The following CUL1 variants were observed in gnomAD, a reference collection of about 807,000 sequenced individuals.
The protein encoded by CUL1 is cullin-1.
In CUL1, 24 loss-of-function variants were observed where a neutral mutation model predicts 118.0. The ratio of observed to expected loss-of-function variants is 0.20; its 90% confidence interval spans 0.15 to 0.29. The LOEUF (loss-of-function observed/expected upper bound fraction) is 0.29. Among genes scored for constraint, CUL1 ranks in the 10% least tolerant of loss-of-function variants. CUL1 has a pLI of 1.00. For synonymous variants in CUL1, 332 were observed against 340.4 expected, an observed-to-expected ratio of 0.98 and a Z score of 0.27; for missense variants, 361 against 933.8, an observed-to-expected ratio of 0.39 and a Z score of 7.99.
At chr7:148,763,668 G>A (rs188453761) in intron 7 of CUL1, among the ~76,000 whole-genome samples, 2 of 152,300 alleles carry the variant, frequency 1.3e-5, no homozygotes, top group Non-Finnish European at 2.9e-5. Context: ...GTGGCAAAGA[G>A]CAAAGCTAAT....
chr7:148,786,507 A>G (rs780025274), intron 11 of CUL1, 44 bp from the exon 12 acceptor site: 2 of 1,481,614 alleles, frequency 1.3e-6, no homozygotes, highest in Non-Finnish European at 9.4e-7. Context: ...GCTTGTTTAA[A>G]CGTACTGATG....
At chr7:148,714,294 C>A (rs1798141281) in intron 1 of CUL1, among the ~76,000 whole-genome samples, 1 of 152,180 alleles carries the variant, frequency 6.6e-6, no homozygotes, top group Non-Finnish European at 1.5e-5. Flanking sequence ...ACATACTTAA[C>A]ATTTTTTTGT....
intron 1 of CUL1, among the ~76,000 whole-genome samples, chr7:148,723,398 A>C (rs1798457211): frequency 6.6e-6 from 1 of 152,116 alleles, no homozygotes; most frequent in South Asian, 2.1e-4. Flanking sequence ...GATGATTCAC[A>C]AGGACCTCAG....
rs571733434 is a variant in CUL1, at chr7:148,765,283, T to C, written c.790-1278T>C. Among the ~76,000 whole-genome samples the C allele has an allele frequency of 9.1e-4, 139 of 152,356 alleles. 2 individuals carry two copies. Among genetic ancestry groups the C allele is most frequent in the Admixed American group, 3.3e-3 (51 of 15,306 alleles). On this transcript the variant is annotated intron_variant, in intron 7 of 21. Coordinates refer to ENST00000325222, the MANE Select transcript of CUL1 (RefSeq NM_003592.3). Reference sequence around the variant, plus strand: ...TTTATTTTTTCTTGGCTCTTGAGTATTGATTCATTACCAGTTGAATTTTTC... The same window carrying C: ...TTTATTTTTTCTTGGCTCTTGAGTACTGATTCATTACCAGTTGAATTTTTC...
chr7:148,768,240 A>C (rs1327270945), intron 9 of CUL1, among the ~76,000 whole-genome samples: 1 of 151,800 alleles, frequency 6.6e-6, no homozygotes, highest in African/African-American at 2.4e-5. Flanking sequence ...GGTCATCTGT[A>C]ATTCAGGTCA....
In CUL1 at chr7:148,742,705, G is replaced by A. The variant is rs141137283; in HGVS notation, c.141-11271G>A. On this transcript the variant is annotated intron_variant, in intron 2 of 21. Transcript: ENST00000325222. ...CAGTCTCTGCCTCCCGGGTTCAAGC[G>A]ATTCTCCTGCCTCAGCCTCCTGAGT... Among the ~76,000 whole-genome samples, 1,193 of 149,814 alleles carry A rather than the reference G, an allele frequency of 8.0e-3. 12 individuals are homozygous for A. Among genetic ancestry groups the A allele is most frequent in the African/African-American group, 0.027 (1,118 of 40,674 alleles).
In CUL1 at chr7:148,800,495, C is replaced by A; in HGVS notation, c.2251-7C>A. 6.2e-7 allele frequency: 1 copy of A among 1,609,912 alleles called. No individual in the cohort carries two copies. ...ACTACCTCTTCCTTTTTAAAAATAA[C>A]ACCCAGAAATGCATTGACATTCTAA... is the stretch of plus-strand genomic sequence containing the variant. On this transcript the variant is annotated splice_region_variant and splice_polypyrimidine_tract_variant and intron_variant, in intron 21 of 21. Coordinates refer to ENST00000325222, the MANE Select transcript of CUL1 (RefSeq NM_003592.3). This position sits in a 1 kb window ranked among gnomAD's most constrained non-coding sequence, Gnocchi z 4.6.
chr7:148,792,934 G>A lies in CUL1; in HGVS notation c.1899+116G>A, dbSNP rs2129463387. ...CATCTTTAATTTGAAATAGATGTTTGCCTCATGAATATGAATATGGCCTTA... is the reference window on the plus strand; with the variant it reads ...CATCTTTAATTTGAAATAGATGTTTACCTCATGAATATGAATATGGCCTTA... On this transcript the variant is annotated intron_variant, in intron 17 of 21. Coordinates refer to ENST00000325222, the MANE Select transcript of CUL1 (RefSeq NM_003592.3). 4.4e-6 allele frequency: 3 copies of A among 675,890 alleles called. No homozygotes were observed. The South Asian group carries it at 6.4e-5, about 14-fold the overall frequency. 41.9% of individuals were successfully genotyped at this position (675,890 alleles called of 1,614,324 possible). A position where few individuals can be genotyped will look rare whatever the true frequency, so the allele number is the denominator to read the frequency against.
intron 9 of CUL1, among the ~76,000 whole-genome samples, chr7:148,773,094 G>A (rs1288257779): frequency 6.6e-6 from 1 of 152,002 alleles, no homozygotes; most frequent in Admixed American, 6.5e-5. Flanking sequence ...TAGCAGTTTC[G>A]TCTTTCAGAA....
chr7:148,788,657 A>G lies in CUL1; in HGVS notation c.1580A>G (p.Asn527Ser). 6.2e-7 allele frequency: 1 copy of G among 1,611,250 alleles called. No individual in the cohort carries two copies. The highest frequency in any genetic ancestry group is 8.5e-7 in the Non-Finnish European group (1 of 1,177,472). The change falls in exon 14 of 22, where the codon AAC (asparagine) becomes AGC (serine). Residue 527 changes from asparagine to serine, a missense_variant. Around this residue, in one of 7 missense-constraint regions of CUL1, gnomAD observed 84 missense variants for 203.3 expected, o/e 0.41. Coordinates refer to ENST00000325222, the MANE Select transcript of CUL1 (RefSeq NM_003592.3). The stretch of plus-strand genomic sequence containing the variant: ...GAGCAATTCAAAAAGCACTTGACAA[A>G]CTCAGAACCCCTAGACTGTGAGTAT... ...LNEQFKKHLT[N>S]SEPLDLDFSI...
intron 1 of CUL1, among the ~76,000 whole-genome samples, chr7:148,720,972 G>A (rs1386026813): frequency 5.3e-5 from 8 of 152,158 alleles, no homozygotes; most frequent in African/African-American, 1.9e-4. Context: ...CCTAATATTG[G>A]CTGTACACTT....
At chr7:148,740,094 C>T (rs1799093301) in intron 2 of CUL1, among the ~76,000 whole-genome samples, 1 of 150,948 alleles carries the variant, frequency 6.6e-6, no homozygotes, top group Non-Finnish European at 1.5e-5. Flanking sequence ...CTGTTTTTGC[C>T]CAGGCCGGAG....
At chr7:148,769,450 A>ACACACACAC (rs1554471403) in intron 9 of CUL1, among the ~76,000 whole-genome samples, 4 of 104,886 alleles carry the variant, frequency 3.8e-5, no homozygotes, top group Non-Finnish European at 8.1e-5. Flanking sequence ...CACACACACA[A>ACACACACAC]AACGCTCACC....
chr7:148,706,137 T>TA, intron 1 of CUL1, among the ~76,000 whole-genome samples: 1 of 152,332 alleles, frequency 6.6e-6, no homozygotes, highest in African/African-American at 2.4e-5. Flanking sequence ...ATAAGGTCTA[T>TA]ATGAAACATG....
At chr7:148,750,936 A>G (rs1799468962) in intron 2 of CUL1, among the ~76,000 whole-genome samples, 2 of 151,968 alleles carry the variant, frequency 1.3e-5, no homozygotes, top group South Asian at 4.1e-4. Context: ...ATGTCTGTGA[A>G]TAGCCACTGC....
At chr7:148,762,447 A>T (rs1469825895) in intron 7 of CUL1, among the ~76,000 whole-genome samples, 2 of 152,216 alleles carry the variant, frequency 1.3e-5, no homozygotes, top group African/African-American at 4.8e-5. Flanking sequence ...TTCCTTGTGT[A>T]TAATGGTGGG....
chr7:148,794,116 G>A (rs560070548), intron 17 of CUL1, among the ~76,000 whole-genome samples: 69 of 151,602 alleles, frequency 4.6e-4, no homozygotes, highest in African/African-American at 1.5e-3. Context: ...TTGTTGAGTC[G>A]TAAGAATTCT....
At chr7:148,773,335 T>C (rs961656298) in intron 9 of CUL1, among the ~76,000 whole-genome samples, 4 of 152,070 alleles carry the variant, frequency 2.6e-5, no homozygotes, top group South Asian at 2.1e-4. Flanking sequence ...ACAGTCATCC[T>C]TACCTTCTGC....
chr7:148,785,259 T>C (rs1298465613), intron 11 of CUL1, among the ~76,000 whole-genome samples: 1 of 152,156 alleles, frequency 6.6e-6, no homozygotes, highest in Non-Finnish European at 1.5e-5. Flanking sequence ...GACTTTAAAT[T>C]GGAAGGCCTC....
Sources: gnomAD v4.1 joint callset for allele counts (sites outside exome capture counted in the v4.1 genomes callset) on GRCh38, gnomAD v4.1.1 for gene constraint, gnomAD v4.1.1 regional missense constraint, Gnocchi (gnomAD v3.1) non-coding constraint, MANE v1.5 for transcripts, NCBI Gene and HGNC (gene_info 2026-07-23, HGNC 2026-07-21) for gene names.